GRID2: variants seen among roughly 807,000 people sequenced by gnomAD.
GRID2 encodes glutamate ionotropic receptor delta type subunit 2.
A neutral mutation model predicts 114.8 loss-of-function variants in GRID2; 33 were observed. That is an observed-to-expected ratio of 0.29 (90% CI 0.22 to 0.38). The LOEUF is 0.38. Among genes scored for constraint, GRID2 ranks in the 10% least tolerant of loss-of-function variants. The probability of loss-of-function intolerance (pLI) is 1.00; values close to 1 mark genes in which losing one functional copy is unlikely to be tolerated. For missense variants in GRID2, 1,184 were observed against 1,257.7 expected (o/e 0.94, Z 0.89); for synonymous variants, 505 against 449.9 (o/e 1.12, Z -1.55).
intron 14 of GRID2, among the ~76,000 whole-genome samples, chr4:93,704,781 G>C (rs758347069): frequency 2.0e-5 from 3 of 152,010 alleles, no homozygotes; most frequent in Non-Finnish European, 4.4e-5. Context: ...TCAAATGACA[G>C]GATCTCAATT....
At chr4:93,529,284 G>T (rs2149511387) in intron 13 of GRID2, among the ~76,000 whole-genome samples, 1 of 152,264 alleles carries the variant, frequency 6.6e-6, no homozygotes, top group South Asian at 2.1e-4. Flanking sequence ...GATAAACATT[G>T]TTCACAGATT....
intron 4 of GRID2, among the ~76,000 whole-genome samples, chr4:93,178,379 G>T (rs1209884659): frequency 5.3e-4 from 44 of 83,794 alleles, no homozygotes; most frequent in East Asian, 2.9e-3. Flanking sequence ...CTTGAAAATA[G>T]ATTTTTTTTT....
intron 2 of GRID2, among the ~76,000 whole-genome samples, chr4:92,687,750 A>G (rs1178809701): frequency 2.6e-5 from 4 of 151,802 alleles, no homozygotes; most frequent in African/African-American, 9.7e-5. Flanking sequence ...AATCACTTGA[A>G]CCCAGGAGGC....
intron 13 of GRID2, among the ~76,000 whole-genome samples, chr4:93,560,246 A>C (rs889557525): frequency 1.3e-5 from 2 of 150,638 alleles, no homozygotes; most frequent in Admixed American, 1.3e-4. Context: ...AAAAAAAAAA[A>C]AAAAAAACAG....
At chr4:92,537,756 G>A (rs1489561160) in intron 1 of GRID2, among the ~76,000 whole-genome samples, 1 of 150,528 alleles carries the variant, frequency 6.6e-6, no homozygotes, top group Non-Finnish European at 1.5e-5. Context: ...CAAACAGCTG[G>A]CAAGTGATCT....
chr4:93,512,438 A>G (rs1205156875), intron 12 of GRID2, among the ~76,000 whole-genome samples: 1 of 152,162 alleles, frequency 6.6e-6, no homozygotes, highest in Non-Finnish European at 1.5e-5. Context: ...GGCTCCTGAA[A>G]TGGCCTTTTC....
At chr4:93,433,064 G>A (rs776808113) in intron 10 of GRID2, among the ~76,000 whole-genome samples, 34 of 152,098 alleles carry the variant, frequency 2.2e-4, no homozygotes, top group Non-Finnish European at 3.7e-4. Context: ...AGTGAGATCC[G>A]TCTCCAATAA....
At chr4:93,320,075 T>C (rs1394708615) in intron 8 of GRID2, among the ~76,000 whole-genome samples, 1 of 152,094 alleles carries the variant, frequency 6.6e-6, no homozygotes, top group East Asian at 1.9e-4. Context: ...AAATAAACTT[T>C]GGCACTACAA....
intron 2 of GRID2, among the ~76,000 whole-genome samples, chr4:92,828,794 G>A (rs2149396071): frequency 6.6e-6 from 1 of 152,074 alleles, no homozygotes; most frequent in South Asian, 2.1e-4. Context: ...GTTGAAACAG[G>A]TATAAGTAAC....
At chr4:92,786,827 T>C (rs887338157) in intron 2 of GRID2, among the ~76,000 whole-genome samples, 4 of 151,834 alleles carry the variant, frequency 2.6e-5, no homozygotes, top group African/African-American at 9.7e-5. Flanking sequence ...AGGGAGGAAG[T>C]TCCCATCTTT....
chr4:93,027,835 A>T (rs1724023263), intron 2 of GRID2, among the ~76,000 whole-genome samples: 1 of 152,146 alleles, frequency 6.6e-6, no homozygotes. Flanking sequence ...TATAAAAGTT[A>T]TTTCTAAAAG....
chr4:92,963,796 C>G (rs982383189), intron 2 of GRID2, among the ~76,000 whole-genome samples: 6 of 151,914 alleles, frequency 3.9e-5, no homozygotes, highest in Non-Finnish European at 7.4e-5. Context: ...GGAAAAATTG[C>G]TATCTATGAC....
chr4:93,632,942 A>C (rs938107009), intron 14 of GRID2, among the ~76,000 whole-genome samples: 39 of 152,084 alleles, frequency 2.6e-4, no homozygotes, highest in African/African-American at 9.2e-4. Context: ...CATCCCTTGT[A>C]AGTTGGATTC....
intron 2 of GRID2, among the ~76,000 whole-genome samples, chr4:92,879,094 T>C (rs1451951405): frequency 5.9e-5 from 9 of 152,210 alleles, no homozygotes; most frequent in Non-Finnish European, 1.3e-4. Flanking sequence ...ATGTATATTC[T>C]ATTTTCAATT....
At chr4:92,327,137 G>A (rs1209070868) in intron 1 of GRID2, among the ~76,000 whole-genome samples, 1 of 151,594 alleles carries the variant, frequency 6.6e-6, no homozygotes, top group African/African-American at 2.4e-5. Flanking sequence ...TTCTTTTTTG[G>A]TGCTTTACAA....
intron 4 of GRID2, among the ~76,000 whole-genome samples, chr4:93,206,842 T>C (rs913186874): frequency 6.6e-6 from 1 of 152,158 alleles, no homozygotes; most frequent in Non-Finnish European, 1.5e-5. Context: ...TCACTTTTGG[T>C]ATTTAACTTT....
chr4:93,685,275 T>A (rs1270319350), intron 14 of GRID2, among the ~76,000 whole-genome samples: 4 of 152,014 alleles, frequency 2.6e-5, no homozygotes, highest in Non-Finnish European at 5.9e-5. Flanking sequence ...TTACCGATTT[T>A]TACTCCCTTG....
chr4:92,512,068 G>A (rs1344270912), intron 1 of GRID2, among the ~76,000 whole-genome samples: 1 of 150,878 alleles, frequency 6.6e-6, no homozygotes, highest in Non-Finnish European at 1.5e-5. Context: ...TCTTATGTAA[G>A]GTACTGTAGG....
At chr4:93,386,672 T>C (rs1469899151) in intron 8 of GRID2, among the ~76,000 whole-genome samples, 2 of 152,180 alleles carry the variant, frequency 1.3e-5, no homozygotes, top group South Asian at 2.1e-4. Flanking sequence ...TTTGGATAAC[T>C]GTCTTACTGC....
Sources: allele counts gnomAD v4.1 joint callset (sites outside exome capture counted in the v4.1 genomes callset), GRCh38; gene constraint gnomAD v4.1.1; transcripts MANE v1.5; gene names NCBI Gene and HGNC (gene_info 2026-07-23, HGNC 2026-07-21).